SLC24A4: variants seen among roughly 807,000 people sequenced by gnomAD.
The protein encoded by SLC24A4 is solute carrier family 24 member 4, also known as sodium/potassium/calcium exchanger 4.
Under a neutral mutation model 79.0 loss-of-function variants are expected in SLC24A4, and 53 were observed. The ratio of observed to expected loss-of-function variants is 0.67; its 90% CI spans 0.54 to 0.84. SLC24A4 has a LOEUF of 0.84. Ranked by LOEUF, SLC24A4 falls within the 40% of genes least tolerant of loss-of-function variation. The probability of loss-of-function intolerance (pLI) is 0.00; values close to 1 mark genes in which losing one functional copy is unlikely to be tolerated. For missense variants in SLC24A4, 731 were observed against 822.0 expected (o/e 0.89, Z 1.35); for synonymous variants, 323 against 323.8 (o/e 1.00, Z 0.03).
rs1895836428 is a variant in SLC24A4 at position 92,493,900 on chromosome 14, A to T, written c.*272A>T. 4 of 467,610 alleles carry T rather than the reference A, an allele frequency of 8.6e-6. No individual in the cohort carries two copies. The highest frequency in any genetic ancestry group is 1.5e-5 in the Non-Finnish European group (4 of 259,934). 29.0% of individuals were successfully genotyped at this position (467,610 alleles called of 1,614,324 possible). A position where few individuals can be genotyped will look rare whatever the true frequency, so the allele number is the denominator to read the frequency against. Reference sequence around the variant, plus strand: ...GACCCCTGAGCTGCCAACCACGGAGATGTGCCAAGCATCTCATCTCTCCTG... The same window carrying T: ...GACCCCTGAGCTGCCAACCACGGAGTTGTGCCAAGCATCTCATCTCTCCTG... On this transcript the variant is annotated 3_prime_UTR_variant, in exon 17 of 17. Coordinates refer to ENST00000532405, the MANE Select transcript of SLC24A4 (RefSeq NM_153646.4).
Position 92,493,587 on chromosome 14 carries a change from T to C in SLC24A4, c.1828T>C (p.Phe610Leu), listed in dbSNP as rs765531282. ...CTCCATAATGATAGAGTTTAACGTC[T>C]TTACCTTCGTCAACTTGCCGATGTG... ...CFSIMIEFNV[F>L]TFVNLPMCRE... Residue 610 changes from phenylalanine (F) to leucine (L), a missense_variant, in exon 17 of 17, where the codon TTT becomes CTT. Phe to Leu is a conservative substitution (Grantham distance 22). Transcript: ENST00000532405. The C allele has an allele frequency of 6.2e-7, 1 of 1,614,204 alleles. No individual in the cohort carries two copies. Among genetic ancestry groups the C allele is most frequent in the South Asian group, 1.1e-5 (1 of 91,074 alleles).
At chr14:92,383,817 CT>C (rs1370906430) in intron 2 of SLC24A4, among the ~76,000 whole-genome samples, 3 of 152,210 alleles carry the variant, frequency 2.0e-5, no homozygotes, top group South Asian at 2.1e-4. Context: ...TGTACACCCC[CT>C]GGGGCCTCTA....
chr14:92,445,230 G>C, intron 7 of SLC24A4, 87 bp from the exon 8 acceptor site: 1 of 1,464,258 alleles, frequency 6.8e-7, no homozygotes, highest in East Asian at 2.3e-5. Flanking sequence ...GTATAAATTG[G>C]CTCTGGGTGC....
intron 1 of SLC24A4, among the ~76,000 whole-genome samples, chr14:92,325,604 G>A (rs1225884849): frequency 6.6e-6 from 1 of 152,188 alleles, no homozygotes; most frequent in Non-Finnish European, 1.5e-5. Context: ...GCACCTATGA[G>A]GTGCTGAGAC....
intron 2 of SLC24A4, among the ~76,000 whole-genome samples, chr14:92,343,654 T>TCCTTCCG: frequency 1.3e-5 from 1 of 77,140 alleles, no homozygotes; most frequent in South Asian, 4.9e-4. Flanking sequence ...CTTTCCTTCT[T>TCCTTCCG]TCCTTCCTTC....
At chr14:92,402,028 T>C (rs1040932940) in intron 2 of SLC24A4, among the ~76,000 whole-genome samples, 3 of 152,200 alleles carry the variant, frequency 2.0e-5, no homozygotes, top group African/African-American at 7.2e-5. Flanking sequence ...GATGATGGGC[T>C]CATAAAAGTG....
chr14:92,491,987 G>A (rs1260177663), intron 15 of SLC24A4, among the ~76,000 whole-genome samples, 188 bp from the exon 16 acceptor site: 1 of 152,110 alleles, frequency 6.6e-6, no homozygotes, highest in Non-Finnish European at 1.5e-5. Flanking sequence ...ATCCCAGGCT[G>A]TCTCCTCAGA....
At chr14:92,438,845 C>T (rs1281457079) in intron 3 of SLC24A4, among the ~76,000 whole-genome samples, 1 of 152,124 alleles carries the variant, frequency 6.6e-6, no homozygotes, top group South Asian at 2.1e-4. Flanking sequence ...CCTCCAGCCC[C>T]TCTCTCCTCC....
chr14:92,347,369 G>A (rs1316130410), intron 2 of SLC24A4, among the ~76,000 whole-genome samples: 2 of 152,252 alleles, frequency 1.3e-5, no homozygotes, highest in Non-Finnish European at 2.9e-5. Flanking sequence ...CAAGGGCAGA[G>A]TCGAAGACAC....
intron 2 of SLC24A4, among the ~76,000 whole-genome samples, chr14:92,405,430 G>C (rs765558627): frequency 6.6e-6 from 1 of 152,186 alleles, no homozygotes; most frequent in Admixed American, 6.5e-5. Context: ...CTCCAGTAGT[G>C]GCATACAGTA....
intron 2 of SLC24A4, among the ~76,000 whole-genome samples, chr14:92,408,118 A>G (rs1890504093): frequency 6.9e-6 from 1 of 144,748 alleles, no homozygotes; most frequent in Non-Finnish European, 1.5e-5. Flanking sequence ...AAAGTGCTGA[A>G]TTGTCATGGG....
chr14:92,479,172 C>A (rs1257203625), intron 12 of SLC24A4, among the ~76,000 whole-genome samples: 2 of 152,104 alleles, frequency 1.3e-5, no homozygotes, highest in Non-Finnish European at 2.9e-5. Context: ...CAATCTGAAT[C>A]ACTTTTATTT....
intron 12 of SLC24A4, among the ~76,000 whole-genome samples, chr14:92,461,631 G>A (rs1236920803): frequency 3.3e-5 from 5 of 151,976 alleles, no homozygotes; most frequent in African/African-American, 1.2e-4. Flanking sequence ...CCCACTCTTA[G>A]TACCTTAATT....
In SLC24A4 at chr14:92,456,533, C is replaced by T. The variant is rs2139849599; in HGVS notation, c.1180C>T (p.Gln394Ter). The part of the protein sequence containing the change: ...PEDPQQNQEQ[Q>*]PPPQPPPPEP... ...AGACCCTCAGCAGAATCAGGAGCAG[C>T]AGCCGCCGCCACAGCCACCACCGCC... The change falls in exon 12 of 17, where the codon CAG becomes TAG. Residue 394 changes from glutamine (Q) to a stop codon, truncating the protein, a stop_gained. Coordinates refer to ENST00000532405, the MANE Select transcript of SLC24A4 (RefSeq NM_153646.4). LOFTEE classifies it high-confidence loss of function. 6.2e-7 allele frequency: 1 copy of T among 1,613,518 alleles called. No homozygotes were observed. Among genetic ancestry groups the T allele is most frequent in the East Asian group, 2.2e-5 (1 of 44,872 alleles).
At chr14:92,448,380 A>ACACACACACACACACACACACACACACAC (rs60919801) in intron 9 of SLC24A4, among the ~76,000 whole-genome samples, 14 of 150,208 alleles carry the variant, frequency 9.3e-5, no homozygotes, top group South Asian at 2.1e-4. Context: ...ACACACACAC[A>ACACACACACACACACACACACACACACAC]AATCCCTACT....
chr14:92,417,612 C>G (rs1001462152), intron 2 of SLC24A4, among the ~76,000 whole-genome samples: 1 of 152,248 alleles, frequency 6.6e-6, no homozygotes, highest in East Asian at 1.9e-4. Flanking sequence ...TCACTAACCA[C>G]GCACTCACTT....
intron 2 of SLC24A4, among the ~76,000 whole-genome samples, chr14:92,336,709 C>T (rs1358441350): frequency 6.6e-6 from 1 of 152,228 alleles, no homozygotes; most frequent in African/African-American, 2.4e-5. Context: ...GACCAAGCCA[C>T]CTGCCGCAAA....
Position 92,446,176 on chromosome 14 carries a change from G to A in SLC24A4, c.683+834G>A, listed in dbSNP as rs11366476. 0.033 allele frequency among the ~76,000 whole-genome samples: 397 copies of A among 11,930 alleles called. 4 individuals carry two copies. The East Asian group carries it at 0.38, about 11-fold the overall frequency. The allele number at this position is 11,930 out of a possible 152,430, so 7.8% of individuals were successfully genotyped here. A position where few individuals can be genotyped will look rare whatever the true frequency, so the allele number is the denominator to read the frequency against. Reference sequence around the variant, plus strand: ...GATTCAGAATCTGCGTGCATTCTATGTTTTTTTTTTTTTGAGACCCGGTCT... The same window carrying A: ...GATTCAGAATCTGCGTGCATTCTATATTTTTTTTTTTTTGAGACCCGGTCT... On this transcript the variant is annotated intron_variant, in intron 8 of 16. Transcript: ENST00000532405.
intron 2 of SLC24A4, among the ~76,000 whole-genome samples, chr14:92,420,211 G>T (rs1891201531): frequency 6.6e-6 from 1 of 152,206 alleles, no homozygotes; most frequent in South Asian, 2.1e-4. Context: ...GCTGGGCACG[G>T]TGGTTCACAC....
Sources: gnomAD v4.1 joint callset for allele counts (sites outside exome capture counted in the v4.1 genomes callset) on GRCh38, gnomAD v4.1.1 for gene constraint, MANE v1.5 for transcripts, NCBI Gene and HGNC (gene_info 2026-07-23, HGNC 2026-07-21) for gene names.